The following KCNC2 variants were observed in gnomAD, a reference collection of about 807,000 sequenced individuals.
KCNC2 encodes voltage-gated potassium channel KCNC2.
KCNC2 carries 21 observed loss-of-function variants against 44.5 expected under a neutral mutation model. The observed-to-expected ratio is 0.47, with a 90% CI of 0.33 to 0.68. The LOEUF (loss-of-function observed/expected upper bound fraction) is 0.68. KCNC2 is among the 30% of genes least tolerant of loss of function. The pLI is 0.01. For missense variants in KCNC2, 589 were observed against 826.2 expected (o/e 0.71, Z 3.52); for synonymous variants, 391 against 339.1 (o/e 1.15, Z -1.68).
Position 75,207,173 on chromosome 12 carries a change from G to A in KCNC2, c.687+124C>T, listed in dbSNP as rs1196527924. 3 of 1,440,072 alleles carry A rather than the reference G, an allele frequency of 2.1e-6. No individual in the cohort carries two copies. Among genetic ancestry groups the A allele is most frequent in the African/African-American group, 1.4e-5 (1 of 69,084 alleles). The allele number at this position is 1,440,072 out of a possible 1,614,324, so 89.2% of individuals were successfully genotyped here. On this transcript the variant is annotated intron_variant, in intron 2 of 4. Coordinates refer to ENST00000549446, the MANE Select transcript of KCNC2 (RefSeq NM_139137.4). This position sits in a 1 kb window ranked among gnomAD's most constrained non-coding sequence, Gnocchi z 4.1. ...CAAAGGATGAGCCTCTAACTGTATC[G>A]CTAGGAAATCCCGGGTCTCTTCTAC...
At chr12:75,166,619 G>A (rs1388129613) in intron 2 of KCNC2, among the ~76,000 whole-genome samples, 4 of 151,094 alleles carry the variant, frequency 2.6e-5, no homozygotes, top group Admixed American at 6.6e-5. Context: ...TACATTCTGC[G>A]ATCACAAGCA....
At chr12:75,056,328 A>G (rs12310278) in intron 2 of KCNC2, among the ~76,000 whole-genome samples, 11,379 of 152,114 alleles carry the variant, frequency 0.075, 1,419 homozygotes, top group African/African-American at 0.26. Context: ...CTTAAAAAAT[A>G]TAAGGCTCAT....
At chr12:75,195,905 TC>T (rs2030722355) in intron 2 of KCNC2, among the ~76,000 whole-genome samples, 2 of 152,070 alleles carry the variant, frequency 1.3e-5, no homozygotes, top group African/African-American at 2.4e-5. Flanking sequence ...CTGGTGTACC[TC>T]CCCACCCTTT....
intron 2 of KCNC2, among the ~76,000 whole-genome samples, chr12:75,131,110 A>G (rs1327716414): frequency 2.0e-5 from 3 of 152,170 alleles, no homozygotes; most frequent in Non-Finnish European, 4.4e-5. Context: ...ATTTTCACAT[A>G]CATGCTGTAA....
At chr12:75,135,927 G>A (rs1220665220) in intron 2 of KCNC2, among the ~76,000 whole-genome samples, 1 of 151,920 alleles carries the variant, frequency 6.6e-6, no homozygotes, top group Admixed American at 6.6e-5. Flanking sequence ...GTAATCTACT[G>A]AGGAAGACCT....
intron 1 of KCNC2, among the ~76,000 whole-genome samples, chr12:75,208,723 C>A (rs990425184): frequency 2.6e-5 from 4 of 151,714 alleles, no homozygotes; most frequent in Non-Finnish European, 4.4e-5. Context: ...AGCAAAAAGA[C>A]AACACAGAAG....
chr12:75,091,712 T>G (rs575873555), intron 2 of KCNC2, among the ~76,000 whole-genome samples: 1 of 151,594 alleles, frequency 6.6e-6, no homozygotes, highest in Non-Finnish European at 1.5e-5. Context: ...GGGAAAAATA[T>G]TTATAGTTCT....
intron 2 of KCNC2, among the ~76,000 whole-genome samples, chr12:75,068,024 C>T (rs974055198): frequency 6.6e-6 from 1 of 152,028 alleles, no homozygotes; most frequent in African/African-American, 2.4e-5. Flanking sequence ...AAACAACTTT[C>T]CAGGGAAGGA....
rs147689275 is a variant in KCNC2 at position 75,099,738 on chromosome 12, A to G, written c.688-48421T>C. Among the ~76,000 whole-genome samples, 3 of 152,268 alleles carry G rather than the reference A, an allele frequency of 2.0e-5. No homozygotes were observed. The East Asian group carries it at 5.8e-4, about 29-fold the overall frequency. On this transcript the variant is annotated intron_variant, in intron 2 of 4. Transcript: ENST00000549446. ...TCAAGTCTCTATTGAATAACTGCAC[A>G]TTAATAAACAAACAAAATATATTCC...
At chr12:75,160,761 A>G (rs956689708) in intron 2 of KCNC2, among the ~76,000 whole-genome samples, 1 of 151,978 alleles carries the variant, frequency 6.6e-6, no homozygotes, top group African/African-American at 2.4e-5. Flanking sequence ...CTCAAGGCTC[A>G]ATTAAGATCT....
intron 2 of KCNC2, among the ~76,000 whole-genome samples, chr12:75,184,629 C>A: frequency 6.6e-6 from 1 of 151,974 alleles, no homozygotes; most frequent in East Asian, 1.9e-4. Flanking sequence ...CTTTTTACTA[C>A]CTTATGTTGC....
chr12:75,203,988 A>C (rs1474817933), intron 2 of KCNC2, among the ~76,000 whole-genome samples: 3 of 151,894 alleles, frequency 2.0e-5, no homozygotes, highest in Non-Finnish European at 4.4e-5. Context: ...TTACACATTA[A>C]ATTGAAAATA....
intron 2 of KCNC2, among the ~76,000 whole-genome samples, chr12:75,188,676 A>G (rs1251997809): frequency 6.6e-6 from 1 of 151,976 alleles, no homozygotes; most frequent in East Asian, 1.9e-4. Flanking sequence ...CCTGGTCAAC[A>G]TGTGAAATCC....
chr12:75,045,024 A>G (rs1281639684), intron 4 of KCNC2, among the ~76,000 whole-genome samples: 3 of 151,998 alleles, frequency 2.0e-5, no homozygotes, highest in Non-Finnish European at 4.4e-5. Context: ...GCTCTTCTGA[A>G]AAGTGACTGA....
chr12:75,100,267 C>T (rs1886269493), intron 2 of KCNC2, among the ~76,000 whole-genome samples: 4 of 152,030 alleles, frequency 2.6e-5, no homozygotes, highest in South Asian at 4.1e-4. Context: ...TTGCATCCAT[C>T]CCTCATTCTT....
intron 2 of KCNC2, among the ~76,000 whole-genome samples, chr12:75,205,228 A>G (rs1424796355): frequency 1.3e-5 from 2 of 152,150 alleles, no homozygotes; most frequent in Non-Finnish European, 2.9e-5. Flanking sequence ...AACTTGATGT[A>G]TAACCTTGGC....
chr12:75,073,907 T>G (rs1222218230), intron 2 of KCNC2, among the ~76,000 whole-genome samples: 1 of 152,178 alleles, frequency 6.6e-6, no homozygotes, highest in African/African-American at 2.4e-5. Flanking sequence ...TGTACTGAAG[T>G]TCTCCCTAAA....
At chr12:75,084,409 C>T (rs1005104613) in intron 2 of KCNC2, among the ~76,000 whole-genome samples, 14 of 151,764 alleles carry the variant, frequency 9.2e-5, no homozygotes, top group African/African-American at 3.4e-4. Flanking sequence ...CCCAGAATTC[C>T]CACGTGTTGC....
At position 75,048,255 on chromosome 12, in the gene KCNC2, T is replaced by C; in HGVS notation, c.1678A>G (p.Ile560Val). 2.5e-6 allele frequency: 4 copies of C among 1,613,122 alleles called. No individual in the cohort carries two copies. The highest frequency in any genetic ancestry group is 3.4e-6 in the Non-Finnish European group (4 of 1,179,354). ...PPLSPPERLP[I>V]RRSSTRDKNR... is the part of the protein sequence containing the mutation. ...TTGTCTCTGGTACTAGAGCGTCTGA[T>C]GGGGAGCCTTTCTGGGGGTGATAGT... Residue 560 changes from isoleucine to valine, a missense_variant, in exon 4 of 5, where the codon ATC (isoleucine) becomes GTC (valine). This residue lies in a region of KCNC2 where 171 missense variants were observed against 182.4 expected (regional missense o/e 0.94). Coordinates refer to ENST00000549446, the MANE Select transcript of KCNC2 (RefSeq NM_139137.4).
Sources: gnomAD v4.1 joint callset for allele counts (sites outside exome capture counted in the v4.1 genomes callset) on GRCh38, gnomAD v4.1.1 for gene constraint, gnomAD v4.1.1 regional missense constraint, Gnocchi (gnomAD v3.1) non-coding constraint, MANE v1.5 for transcripts, NCBI Gene and HGNC (gene_info 2026-07-23, HGNC 2026-07-21) for gene names.